The following TNKS variants were observed in gnomAD, a reference collection of about 807,000 sequenced individuals.
The protein encoded by TNKS is poly [ADP-ribose] polymerase tankyrase-1.
TNKS carries 72 observed loss-of-function variants against 135.8 expected under a neutral mutation model. The observed-to-expected ratio is 0.53, with a 90% confidence interval of 0.44 to 0.64. The LOEUF (loss-of-function observed/expected upper bound fraction) is 0.64. Among genes scored for constraint, TNKS ranks in the 30% least tolerant of loss-of-function variants. The probability of loss-of-function intolerance (pLI) is 0.00; values close to 1 mark genes in which losing one functional copy is unlikely to be tolerated. For synonymous variants in TNKS, 849 were observed against 649.3 expected (o/e 1.31, Z -4.68); for missense variants, 1,769 against 1,674.0 (o/e 1.06, Z -0.99).
At chr8:9,695,066 A>G (rs927805762) in intron 5 of TNKS, among the ~76,000 whole-genome samples, 1 of 152,186 alleles carries the variant, frequency 6.6e-6, no homozygotes, top group African/African-American at 2.4e-5. Context: ...ATTAAAATGT[A>G]AATGCTAAAA....
At chr8:9,566,465 C>A (rs1797544938) in intron 1 of TNKS, 1 of 151,928 alleles carries the variant, frequency 6.6e-6, no homozygotes, top group African/African-American at 2.4e-5. Context: ...TTATTTAATT[C>A]AATGAATTGC....
intron 1 of TNKS, among the ~76,000 whole-genome samples, chr8:9,578,455 A>C (rs1240773819): frequency 6.6e-6 from 1 of 152,192 alleles, no homozygotes; most frequent in Non-Finnish European, 1.5e-5. Context: ...TACAAAATTG[A>C]TCTTTTCACC....
intron 3 of TNKS, among the ~76,000 whole-genome samples, chr8:9,644,811 A>G (rs1800855848): frequency 1.3e-5 from 2 of 152,280 alleles, no homozygotes; most frequent in East Asian, 3.9e-4. Flanking sequence ...ATACACATTC[A>G]GTGGAGACCA....
intron 2 of TNKS, among the ~76,000 whole-genome samples, chr8:9,580,640 T>C (rs1206438520): frequency 2.6e-5 from 4 of 152,170 alleles, no homozygotes; most frequent in African/African-American, 9.7e-5. Context: ...TATTGTCAAA[T>C]TTAGTTAATT....
At chr8:9,571,850 G>A (rs1429141972) in intron 1 of TNKS, among the ~76,000 whole-genome samples, 1 of 152,066 alleles carries the variant, frequency 6.6e-6, no homozygotes, top group Non-Finnish European at 1.5e-5. Flanking sequence ...AATATAAAGA[G>A]TTTCTCACCT....
At chr8:9,610,784 C>G (rs549032497) in intron 2 of TNKS, among the ~76,000 whole-genome samples, 2 of 152,292 alleles carry the variant, frequency 1.3e-5, no homozygotes, top group African/African-American at 4.8e-5. Context: ...GGAAAATTCA[C>G]ATTGTTTCTA....
At chr8:9,582,421 G>T (rs973809277) in intron 2 of TNKS, among the ~76,000 whole-genome samples, 1 of 152,118 alleles carries the variant, frequency 6.6e-6, no homozygotes, top group East Asian at 1.9e-4. Flanking sequence ...TGAAATACTG[G>T]CCTGATTTTT....
intron 2 of TNKS, among the ~76,000 whole-genome samples, chr8:9,588,314 G>A (rs915951194): frequency 3.3e-5 from 5 of 151,258 alleles, no homozygotes; most frequent in Admixed American, 6.6e-5. Context: ...TTGCTCTGTC[G>A]CCCAGGCTGG....
intron 12 of TNKS, among the ~76,000 whole-genome samples, chr8:9,721,818 CCGAGGTGGGCGGATCA>C (rs1253148746): frequency 6.6e-6 from 1 of 151,974 alleles, no homozygotes; most frequent in Non-Finnish European, 1.5e-5. Context: ...CTTTGGGAGG[CCGAGGTGGGCGGATCA>C]CGAGGTCAGG....
chr8:9,719,377 T>TA (rs11442393), intron 11 of TNKS, among the ~76,000 whole-genome samples: 11,640 of 152,256 alleles, frequency 0.076, 483 homozygotes, highest in South Asian at 0.17. Flanking sequence ...TGTGTACCTT[T>TA]AGCAGGAGCT....
rs552133539 is a variant in TNKS, at chr8:9,730,340, C to T, written c.2002-550C>T. ...AACCAGTTTAACTTGTAAAGGTAAG[C>T]AAACGTTGCCCCAAAAGGCAAGTAA... is the stretch of plus-strand genomic sequence containing the variant. On this transcript the variant is annotated intron_variant, in intron 13 of 26. Coordinates refer to ENST00000310430, the MANE Select transcript of TNKS (RefSeq NM_003747.3). 1.4e-4 allele frequency among the ~76,000 whole-genome samples: 22 copies of T among 152,244 alleles called. No homozygotes were observed. In the South Asian group the frequency reaches 4.1e-3, roughly 29 times the overall value.
rs1192003700 is a variant in TNKS at position 9,556,406 on chromosome 8, CGGCCGGAGT to C, written c.468_476del (p.Ala157_Val159del). On this transcript the variant is annotated inframe_deletion, in exon 1 of 27. Coordinates refer to ENST00000310430, the MANE Select transcript of TNKS (RefSeq NM_003747.3). ...TCGAGCTTGGCGGAGAGCCCCGAGGCGGCCGGAGTTAGCAGCACAGCACCACTGGGGCCT... is the reference window on the plus strand; with the variant it reads ...TCGAGCTTGGCGGAGAGCCCCGAGGCTAGCAGCACAGCACCACTGGGGCCT... 1.9e-6 allele frequency: 3 copies of C among 1,614,234 alleles called. No individual in the cohort carries two copies. The highest frequency in any genetic ancestry group is 2.5e-6 in the Non-Finnish European group (3 of 1,180,046).
At chr8:9,601,643 A>G (rs1161067974) in intron 2 of TNKS, among the ~76,000 whole-genome samples, 1 of 152,148 alleles carries the variant, frequency 6.6e-6, no homozygotes, top group East Asian at 1.9e-4. Flanking sequence ...GAATACCTCT[A>G]TTCTTTAATA....
At chr8:9,568,525 T>G (rs966612532) in intron 1 of TNKS, among the ~76,000 whole-genome samples, 1 of 152,152 alleles carries the variant, frequency 6.6e-6, no homozygotes, top group African/African-American at 2.4e-5. Flanking sequence ...AATAAAATGA[T>G]AAACTCCATT....
chr8:9,561,553 T>C (rs529845275), intron 1 of TNKS, among the ~76,000 whole-genome samples: 11 of 152,366 alleles, frequency 7.2e-5, no homozygotes, highest in Admixed American at 7.2e-4. Context: ...TTTTTACTGC[T>C]GAGTAGATTT....
chr8:9,722,719 C>G (rs1265986310), intron 12 of TNKS, among the ~76,000 whole-genome samples: 3 of 152,114 alleles, frequency 2.0e-5, no homozygotes, highest in African/African-American at 7.2e-5. Context: ...TAAATTTTCT[C>G]ATTTTACTGA....
intron 1 of TNKS, among the ~76,000 whole-genome samples, chr8:9,564,498 G>A (rs1325678945): frequency 2.0e-5 from 3 of 152,212 alleles, no homozygotes; most frequent in Admixed American, 6.5e-5. Context: ...CATGAGCTCT[G>A]TGATGACATG....
chr8:9,773,073 A>G (rs1490737266), intron 26 of TNKS, among the ~76,000 whole-genome samples: 4 of 151,880 alleles, frequency 2.6e-5, no homozygotes, highest in Middle Eastern at 3.2e-3. Context: ...TAAATTTGTC[A>G]TATTTTTCTG....
chr8:9,620,438 A>G (rs1799823346), intron 3 of TNKS, among the ~76,000 whole-genome samples: 1 of 152,164 alleles, frequency 6.6e-6, no homozygotes, highest in South Asian at 2.1e-4. Flanking sequence ...AACTTCGCTC[A>G]GTTCTCTTCA....
Sources: allele counts gnomAD v4.1 joint callset (sites outside exome capture counted in the v4.1 genomes callset), GRCh38; gene constraint gnomAD v4.1.1; transcripts MANE v1.5; gene names NCBI Gene and HGNC (gene_info 2026-07-23, HGNC 2026-07-21).